The following SHOC1 variants were observed in gnomAD, a reference collection of about 807,000 sequenced individuals.
The protein encoded by SHOC1 is shortage in chiasmata 1.
In SHOC1, 136 loss-of-function variants were observed where a neutral mutation model predicts 179.2. The observed-to-expected ratio is 0.76, with a 90% CI of 0.66 to 0.87. SHOC1 has a LOEUF of 0.87. SHOC1 is among the 40% of genes least tolerant of loss of function. The pLI is 0.00. For missense variants in SHOC1, 1,538 were observed against 1,700.8 expected (o/e 0.90, Z 1.68); for synonymous variants, 489 against 586.6 (o/e 0.83, Z 2.41).
intron 2 of SHOC1, among the ~76,000 whole-genome samples, chr9:111,789,438 T>G (rs1456508207): frequency 1.3e-5 from 2 of 152,232 alleles, no homozygotes; most frequent in Non-Finnish European, 2.9e-5. Context: ...TGCTTCACCT[T>G]TGATCATGAA....
At position 111,692,420 on chromosome 9, in the gene SHOC1, T is replaced by C; in HGVS notation, c.3557A>G (p.Gln1186Arg). 6.2e-7 allele frequency: 1 copy of C among 1,611,758 alleles called. No individual in the cohort carries two copies. The highest frequency in any genetic ancestry group is 1.1e-5 in the South Asian group (1 of 90,558). The change falls in exon 27 of 28, where the codon CAG becomes CGG. Residue 1186 changes from glutamine (Q) to arginine (R), a missense_variant. Transcript: ENST00000682961. ...ACTTTGAGAAGACAAGGTACTAATC[T>C]GATTCCTATTTTCCTGAGGTGACGA... ...QISSPQENRNQISTLSSQSSA... is the reference protein window; with the variant it reads ...QISSPQENRNRISTLSSQSSA...
chr9:111,743,872 G>A (rs882811), intron 10 of SHOC1, among the ~76,000 whole-genome samples: 8,279 of 152,144 alleles, frequency 0.054, 551 homozygotes, highest in African/African-American at 0.16. Flanking sequence ...TTTTACAGTT[G>A]CCAAACAAAT....
At chr9:111,699,893 G>A (rs1214767692) in intron 24 of SHOC1, 61 bp downstream of exon 24, 1 of 1,024,768 alleles carries the variant, frequency 9.8e-7, no homozygotes, top group Middle Eastern at 2.3e-4. Context: ...GGGCACTTAA[G>A]TTTGAGTATA....
intron 18 of SHOC1, among the ~76,000 whole-genome samples, chr9:111,708,153 TA>T (rs1462643667): frequency 2.0e-5 from 3 of 151,884 alleles, no homozygotes; most frequent in Non-Finnish European, 4.4e-5. Flanking sequence ...AAATTTATTA[TA>T]TAAAATAATA....
intron 8 of SHOC1, among the ~76,000 whole-genome samples, chr9:111,750,194 A>G (rs953727333): frequency 6.6e-6 from 1 of 151,638 alleles, no homozygotes; most frequent in Non-Finnish European, 1.5e-5. Context: ...ACCAACATCT[A>G]TTGTTTTTTT....
intron 24 of SHOC1, among the ~76,000 whole-genome samples, chr9:111,694,799 G>A (rs888876856): frequency 1.5e-4 from 23 of 151,796 alleles, no homozygotes; most frequent in Admixed American, 1.1e-3. Flanking sequence ...AAAAAATAAG[G>A]ATACTTATAA....
At chr9:111,689,853 C>T (rs1353593138) in intron 27 of SHOC1, among the ~76,000 whole-genome samples, 1 of 152,070 alleles carries the variant, frequency 6.6e-6, no homozygotes, top group African/African-American at 2.4e-5. Context: ...CTTTTTCTAA[C>T]ATTTAATGTT....
In SHOC1 at chr9:111,775,805, T is replaced by C. The variant is rs780841666; in HGVS notation, c.428A>G (p.Gln143Arg). Residue 143 changes from glutamine to arginine, a missense_variant, in exon 5 of 28, where the codon CAA becomes CGA. Transcript: ENST00000682961. ...VSCLEKCSAL[Q>R]NQNQDLFIDD... is the part of the protein sequence containing the mutation. ...AAACGTTTTACCTTGGTTCTGGTTT[T>C]GAAGTGCTGAACATTTTTCTAAACA... is the stretch of plus-strand genomic sequence containing the variant. The C allele has an allele frequency of 1.8e-5, 29 of 1,605,956 alleles. No homozygotes were observed. The East Asian group carries it at 6.5e-4, about 36-fold the overall frequency.
chr9:111,748,335 G>T, intron 8 of SHOC1, 136 bp from the exon 9 acceptor site: 1 of 618,452 alleles, frequency 1.6e-6, no homozygotes, highest in Non-Finnish European at 2.8e-6. Context: ...GAGAGAAGTA[G>T]AGATTTATAC....
In SHOC1 at chr9:111,706,570, T is replaced by G. The variant is rs752502167; in HGVS notation, c.2735A>C (p.Glu912Ala). Residue 912 changes from glutamate to alanine, a missense_variant and splice_region_variant, in exon 20 of 28, where the codon GAA becomes GCA. Coordinates refer to ENST00000682961, the MANE Select transcript of SHOC1 (RefSeq NM_001378211.1). ...FKVILPDTVL[E>A]RSTLLDRFGG... ...AGGATTTTGGCTTATATTCTTACTT[T>G]CTAAAACTGTGTCTGGAAGAATCAC... is the stretch of plus-strand genomic sequence containing the variant. The G allele has an allele frequency of 3.3e-6, 5 of 1,522,800 alleles. No homozygotes were observed. In the South Asian group the frequency reaches 5.4e-5, roughly 16 times the overall value. 94.3% of individuals were successfully genotyped at this position (1,522,800 alleles called of 1,614,324 possible).
intron 4 of SHOC1, among the ~76,000 whole-genome samples, chr9:111,777,443 G>A (rs887366173): frequency 7.9e-5 from 12 of 152,154 alleles, no homozygotes; most frequent in Admixed American, 2.0e-4. Context: ...CTACACCCAG[G>A]AATGAACAAG....
In SHOC1 at chr9:111,726,942, T is replaced by G. The variant is rs1273025399; in HGVS notation, c.1834+691A>C. Among the ~76,000 whole-genome samples, 4 of 152,162 alleles carry G rather than the reference T, an allele frequency of 2.6e-5. No homozygotes were observed. The East Asian group carries it at 7.7e-4, about 29-fold the overall frequency. On this transcript the variant is annotated intron_variant, in intron 13 of 27. Transcript: ENST00000682961. The stretch of plus-strand genomic sequence containing the variant: ...TGGTGTTTCTGAATGTAACAATATA[T>G]AAATATCAAAAGTTTCCAATATCCC...
At chr9:111,742,852 C>T (rs1834105494) in intron 10 of SHOC1, among the ~76,000 whole-genome samples, 1 of 152,128 alleles carries the variant, frequency 6.6e-6, no homozygotes, top group Non-Finnish European at 1.5e-5. Context: ...TTGACAACAC[C>T]TCAGATTGTA....
At position 111,692,477 on chromosome 9, in the gene SHOC1, C is replaced by A. The variant is rs772046616; in HGVS notation, c.3500G>T (p.Gly1167Val). 2 of 1,597,828 alleles carry A rather than the reference C, an allele frequency of 1.3e-6. No individual in the cohort carries two copies. Among genetic ancestry groups the A allele is most frequent in the Non-Finnish European group, 1.7e-6 (2 of 1,170,358 alleles). Reference sequence around the variant, plus strand: ...CGGTGATTTTGTTATGGAAGAAGAACCAATCTTGAATAGGGAAGTGATGCT... The same window carrying A: ...CGGTGATTTTGTTATGGAAGAAGAAACAATCTTGAATAGGGAAGTGATGCT... ...FCSITSLFKI[G>V]SSSITKSPQI... Residue 1167 changes from glycine (G) to valine (V), a missense_variant, in exon 27 of 28, where the codon GGT becomes GTT. Physicochemically the swap from Gly to Val is moderately radical, Grantham distance 109. Transcript: ENST00000682961.
chr9:111,701,813 G>A (rs1831984947), intron 23 of SHOC1, among the ~76,000 whole-genome samples: 1 of 152,080 alleles, frequency 6.6e-6, no homozygotes, highest in Admixed American at 6.6e-5. Flanking sequence ...ATTTAGTACA[G>A]TAGTTAGACA....
Position 111,722,540 on chromosome 9 carries a change from G to A in SHOC1, c.2000C>T (p.Pro667Leu), listed in dbSNP as rs139967526. Reference sequence around the variant, plus strand: ...CAAGGATACAAGGTTTTTTAAGATAGGAGAAGCTGCTGCTTCGAGGAGGCA... The same window carrying A: ...CAAGGATACAAGGTTTTTTAAGATAAGAGAAGCTGCTGCTTCGAGGAGGCA... ...AFCLLEAAAS[P>L]ILKNLVSLCT... The change falls in exon 15 of 28, where the codon CCT (proline) becomes CTT (leucine). Residue 667 changes from proline (P) to leucine (L), a missense_variant. By Grantham distance (98) the Pro-to-Leu change is moderately conservative. Coordinates refer to ENST00000682961, the MANE Select transcript of SHOC1 (RefSeq NM_001378211.1). 1 of 1,607,828 alleles carries A rather than the reference G, an allele frequency of 6.2e-7. No individual in the cohort carries two copies. The highest frequency in any genetic ancestry group is 1.3e-5 in the African/African-American group (1 of 74,636).
chr9:111,771,691 C>T (rs1299330545), intron 5 of SHOC1, among the ~76,000 whole-genome samples: 3 of 151,968 alleles, frequency 2.0e-5, no homozygotes, highest in African/African-American at 7.3e-5. Flanking sequence ...ATACAGTGTT[C>T]TTAGATGGCT....
intron 4 of SHOC1, among the ~76,000 whole-genome samples, chr9:111,778,614 C>T (rs575883852): frequency 6.6e-6 from 1 of 151,514 alleles, no homozygotes; most frequent in Admixed American, 6.6e-5. Flanking sequence ...ACTAAAAATA[C>T]AAAAAATTTA....
chr9:111,723,842 T>C lies in SHOC1; in HGVS notation c.1904A>G (p.Glu635Gly). The C allele has an allele frequency of 6.2e-7, 1 of 1,608,868 alleles. No homozygotes were observed. Among genetic ancestry groups the C allele is most frequent in the Non-Finnish European group, 8.5e-7 (1 of 1,175,940 alleles). ...PIVHINKTLE[E>G]INQERGTDSV... ...ATCTGTTCCCCTTTCCTGATTTATTTCCTCCAGGGTTTTATTAATATGAAC... is the reference window on the plus strand; with the variant it reads ...ATCTGTTCCCCTTTCCTGATTTATTCCCTCCAGGGTTTTATTAATATGAAC... Residue 635 changes from glutamate (E) to glycine (G), a missense_variant, in exon 14 of 28, where the codon GAA (glutamate) becomes GGA (glycine). Coordinates refer to ENST00000682961, the MANE Select transcript of SHOC1 (RefSeq NM_001378211.1).
Sources: gnomAD v4.1 joint callset for allele counts (sites outside exome capture counted in the v4.1 genomes callset) on GRCh38, gnomAD v4.1.1 for gene constraint, MANE v1.5 for transcripts, NCBI Gene and HGNC (gene_info 2026-07-23, HGNC 2026-07-21) for gene names.